Variants in RIMBP2 observed in about 807,000 individuals in gnomAD.
RIMBP2 encodes the protein RIMS binding protein 2, also known as RIMS-binding protein 2.
A neutral mutation model predicts 118.6 loss-of-function variants in RIMBP2; 48 were observed. The ratio of observed to expected loss-of-function variants is 0.40; its 90% CI spans 0.32 to 0.51. RIMBP2 has a LOEUF of 0.51. RIMBP2 is among the 20% of genes least tolerant of loss of function. The pLI is 0.41. For synonymous variants in RIMBP2, 762 were observed against 742.9 expected, an observed-to-expected ratio of 1.03 and a Z score of -0.42; for missense variants, 1,551 against 1,768.3, an observed-to-expected ratio of 0.88 and a Z score of 2.20.
At chr12:130,690,127 G>T (rs2065246311) in intron 1 of RIMBP2, among the ~76,000 whole-genome samples, 1 of 152,202 alleles carries the variant, frequency 6.6e-6, no homozygotes, top group Non-Finnish European at 1.5e-5. Context: ...TCCTCCTCCT[G>T]CCTCTGCTCC....
chr12:130,477,072 T>C (rs2081492549), intron 5 of RIMBP2, among the ~76,000 whole-genome samples: 2 of 152,320 alleles, frequency 1.3e-5, no homozygotes, highest in African/African-American at 2.4e-5. Context: ...AATTGGCCCA[T>C]TCATATTTCA....
chr12:130,498,871 A>G (rs1019734091), intron 4 of RIMBP2, among the ~76,000 whole-genome samples: 1 of 152,202 alleles, frequency 6.6e-6, no homozygotes, highest in Non-Finnish European at 1.5e-5. Flanking sequence ...CAACCCACAC[A>G]GCCATGAGAC....
intron 4 of RIMBP2, among the ~76,000 whole-genome samples, chr12:130,479,914 C>T (rs2081812401): frequency 6.6e-6 from 1 of 151,860 alleles, no homozygotes; most frequent in South Asian, 2.1e-4. Context: ...GCCCTTCCCT[C>T]CCCTCTGACG....
At chr12:130,496,594 C>CA (rs1486954724) in intron 4 of RIMBP2, among the ~76,000 whole-genome samples, 1 of 152,134 alleles carries the variant, frequency 6.6e-6, no homozygotes, top group African/African-American at 2.4e-5. Context: ...AGTGATACCT[C>CA]ATGAAAGGCC....
intron 2 of RIMBP2, among the ~76,000 whole-genome samples, chr12:130,599,126 A>T (rs2059724530): frequency 6.6e-6 from 1 of 152,250 alleles, no homozygotes; most frequent in South Asian, 2.1e-4. Context: ...CATCCTTCAC[A>T]TCATATGCAA....
At chr12:130,440,533 C>T (rs538215872) in intron 11 of RIMBP2, among the ~76,000 whole-genome samples, 1 of 152,286 alleles carries the variant, frequency 6.6e-6, no homozygotes, top group Admixed American at 6.5e-5. Context: ...GGGAGCCTCT[C>T]CTGAAGGCCC....
chr12:130,580,282 CAT>C (rs1209985731), intron 2 of RIMBP2, among the ~76,000 whole-genome samples: 3 of 152,134 alleles, frequency 2.0e-5, no homozygotes, highest in African/African-American at 7.2e-5. Flanking sequence ...ACAATCCCCA[CAT>C]GTCAAGGGCG....
rs146732535 is a variant in RIMBP2, at chr12:130,428,439, G to A, written c.2254-102C>T. On this transcript the variant is annotated intron_variant, in intron 14 of 22. Coordinates refer to ENST00000690449, the MANE Select transcript of RIMBP2 (RefSeq NM_001393629.1). ...CCCTTTCCCTGCTTCGCTGACTCAC[G>A]GGGCTCACAGGCCTAGAGACGGGCA... The A allele has an allele frequency of 5.4e-5, 67 of 1,245,932 alleles. 1 individual carries two copies. In the East Asian group the frequency reaches 1.3e-3, roughly 24 times the overall value. The allele number at this position is 1,245,932 out of a possible 1,614,324, so 77.2% of individuals were successfully genotyped here.
intron 1 of RIMBP2, among the ~76,000 whole-genome samples, chr12:130,663,444 T>G (rs1322345825): frequency 6.6e-6 from 1 of 151,942 alleles, no homozygotes; most frequent in Non-Finnish European, 1.5e-5. Context: ...TTTCTTAAAA[T>G]TGCCTTTTTT....
At chr12:130,610,802 C>T (rs559455441) in intron 2 of RIMBP2, among the ~76,000 whole-genome samples, 39 of 151,954 alleles carry the variant, frequency 2.6e-4, no homozygotes, top group Non-Finnish European at 3.4e-4. Flanking sequence ...CCTCGTGATC[C>T]GCCCGCCTCG....
chr12:130,505,927 C>T (rs987246085), intron 4 of RIMBP2, among the ~76,000 whole-genome samples: 1 of 142,110 alleles, frequency 7.0e-6, no homozygotes, highest in African/African-American at 2.7e-5. Flanking sequence ...GGTAAAATCA[C>T]TTCTTGATTT....
At chr12:130,701,190 G>C (rs1255192335) in intron 1 of RIMBP2, among the ~76,000 whole-genome samples, 1 of 152,196 alleles carries the variant, frequency 6.6e-6, no homozygotes, top group African/African-American at 2.4e-5. Flanking sequence ...ATGCCCACGG[G>C]GTAAGAAGGG....
chr12:130,536,606 G>A (rs963054187), intron 2 of RIMBP2, among the ~76,000 whole-genome samples: 16 of 152,124 alleles, frequency 1.1e-4, no homozygotes, highest in Non-Finnish European at 2.1e-4. Flanking sequence ...CCAACCAACT[G>A]GACCTTGGAG....
chr12:130,494,137 G>A (rs1593518278), intron 4 of RIMBP2, among the ~76,000 whole-genome samples: 1 of 152,180 alleles, frequency 6.6e-6, no homozygotes, highest in Non-Finnish European at 1.5e-5. Context: ...CCCACACTCT[G>A]GGACAGAGCG....
At position 130,599,788 on chromosome 12, in the gene RIMBP2, C is replaced by A. The variant is rs2059764480; in HGVS notation, c.-217+28534G>T. On this transcript the variant is annotated intron_variant, in intron 2 of 22. Transcript: ENST00000690449. ...CACACCTACGTATATCCAGCCATTT[C>A]ATCACTACATTTTCCACCCAAGTGA... Among the ~76,000 whole-genome samples, 10 of 152,352 alleles carry A rather than the reference C, an allele frequency of 6.6e-5. No individual in the cohort carries two copies. In the South Asian group the frequency reaches 1.7e-3, roughly 25 times the overall value.
At chr12:130,470,281 G>A (rs1457672484) in intron 6 of RIMBP2, 1 of 164,836 alleles carries the variant, frequency 6.1e-6, no homozygotes, top group Non-Finnish European at 1.3e-5. Context: ...GGTACCCCAA[G>A]GCAGTTCATC....
At chr12:130,673,359 C>A (rs1374667235) in intron 1 of RIMBP2, among the ~76,000 whole-genome samples, 1 of 152,184 alleles carries the variant, frequency 6.6e-6, no homozygotes, top group Non-Finnish European at 1.5e-5. Context: ...GCCTATTTGG[C>A]AAAACCCTAA....
chr12:130,530,949 T>A (rs1325340898), intron 2 of RIMBP2, among the ~76,000 whole-genome samples: 1 of 152,220 alleles, frequency 6.6e-6, no homozygotes, highest in African/African-American at 2.4e-5. Context: ...CAGCTCTTCA[T>A]GTTGCCTGCT....
At chr12:130,697,293 G>A (rs902531571) in intron 1 of RIMBP2, among the ~76,000 whole-genome samples, 3 of 152,204 alleles carry the variant, frequency 2.0e-5, no homozygotes, top group Non-Finnish European at 2.9e-5. Flanking sequence ...AGGTGAAGGC[G>A]GGAGAACTGG....
Sources: gnomAD v4.1 joint callset for allele counts (sites outside exome capture counted in the v4.1 genomes callset) on GRCh38, gnomAD v4.1.1 for gene constraint, MANE v1.5 for transcripts, NCBI Gene and HGNC (gene_info 2026-07-23, HGNC 2026-07-21) for gene names.